The following CCDC62 variants were observed in gnomAD, a reference collection of about 807,000 sequenced individuals.
CCDC62 encodes the protein coiled-coil domain containing 62.
A neutral mutation model predicts 80.8 loss-of-function variants in CCDC62; 72 were observed. The ratio of observed to expected loss-of-function variants is 0.89; its 90% CI spans 0.74 to 1.08. The LOEUF (loss-of-function observed/expected upper bound fraction) is 1.08. CCDC62 is among the 50% of genes least tolerant of loss of function. The probability of loss-of-function intolerance (pLI) is 0.00; values close to 1 mark genes in which losing one functional copy is unlikely to be tolerated. For synonymous variants in CCDC62, 286 were observed against 296.5 expected (o/e 0.96, Z 0.36); for missense variants, 704 against 809.4 (o/e 0.87, Z 1.58).
chr12:122,791,550 G>C (rs1048149168), intron 5 of CCDC62, among the ~76,000 whole-genome samples: 4 of 151,810 alleles, frequency 2.6e-5, no homozygotes, highest in African/African-American at 7.3e-5. Context: ...CTGGATTCAA[G>C]CGATTTTCCT....
intron 8 of CCDC62, among the ~76,000 whole-genome samples, chr12:122,798,758 G>A (rs1342284086): frequency 1.3e-5 from 2 of 152,022 alleles, no homozygotes; most frequent in Non-Finnish European, 2.9e-5. Flanking sequence ...TCCAGCCTGC[G>A]TGACAAGAGC....
At chr12:122,811,210 CTTTTTT>C (rs34599465) in intron 10 of CCDC62, among the ~76,000 whole-genome samples, 8 of 120,092 alleles carry the variant, frequency 6.7e-5, no homozygotes, top group South Asian at 2.6e-4. Context: ...ATTAAGTTTC[CTTTTTT>C]TTTTTTTTTT....
chr12:122,790,672 A>AG (rs1324668220), intron 5 of CCDC62, among the ~76,000 whole-genome samples: 3 of 152,088 alleles, frequency 2.0e-5, no homozygotes, highest in Middle Eastern at 3.2e-3. Flanking sequence ...ATAAAAAAAA[A>AG]GAAGAGGAAT....
At chr12:122,805,732 G>A (rs534778619) in intron 9 of CCDC62, among the ~76,000 whole-genome samples, 7 of 151,716 alleles carry the variant, frequency 4.6e-5, no homozygotes, top group African/African-American at 4.8e-5. Flanking sequence ...GGATGGTCTC[G>A]ATTTCCTGAC....
In CCDC62 at chr12:122,782,584, G is replaced by A. The variant is rs556975344; in HGVS notation, c.396+1254G>A. ...AACAATTCTCTTGCCTCACTCCCCC[G>A]AGTAGCTGGGATTACAGGCATGCAC... On this transcript the variant is annotated intron_variant, in intron 3 of 12. Transcript: ENST00000253079. 3.8e-4 allele frequency among the ~76,000 whole-genome samples: 57 copies of A among 151,982 alleles called. 1 individual carries two copies. The highest frequency in any genetic ancestry group is 1.3e-3 in the African/African-American group (53 of 41,486).
chr12:122,816,328 T>C (rs1459312389), intron 11 of CCDC62, among the ~76,000 whole-genome samples: 1 of 152,230 alleles, frequency 6.6e-6, no homozygotes, highest in Non-Finnish European at 1.5e-5. Context: ...AGCTATCCCT[T>C]TAAATGTATG....
At position 122,813,429 on chromosome 12, in the gene CCDC62, T is replaced by G. The variant is rs763030581; in HGVS notation, c.2001+10T>G. ...TGGCAGTGCCACAAATGTATGCGTT[T>G]CATTTTCTCTTGACTATATTTGTCA... On this transcript the variant is annotated intron_variant, in intron 11 of 12. Transcript: ENST00000253079. The G allele has an allele frequency of 6.2e-7, 1 of 1,608,098 alleles. No individual in the cohort carries two copies.
chr12:122,825,342 A>ATTTTTT (rs749990077), intron 12 of CCDC62, among the ~76,000 whole-genome samples: 2 of 89,790 alleles, frequency 2.2e-5, no homozygotes, highest in Non-Finnish European at 2.1e-5. Context: ...CACCTGGCTA[A>ATTTTTT]TTTTTTTTTT....
intron 9 of CCDC62, 32 bp from the exon 10 acceptor site, chr12:122,806,119 T>C (rs761213809): frequency 6.4e-5 from 102 of 1,590,284 alleles, no homozygotes; most frequent in Non-Finnish European, 8.8e-5. Context: ...TGTTTTAAGA[T>C]ATTTGTTTTT....
chr12:122,793,303 A>G (rs1000017450), intron 6 of CCDC62, among the ~76,000 whole-genome samples: 1 of 152,154 alleles, frequency 6.6e-6, no homozygotes, highest in Non-Finnish European at 1.5e-5. Flanking sequence ...AAAAGTGTTC[A>G]TATGATTTTC....
At chr12:122,781,414 G>T in intron 3 of CCDC62, 84 bp downstream of exon 3, 12 of 1,321,740 alleles carry the variant, frequency 9.1e-6, no homozygotes, top group Non-Finnish European at 1.2e-5. Context: ...GACCGGGCAC[G>T]GTGGCTCACT....
intron 1 of CCDC62, chr12:122,777,277 C>T: frequency 2.0e-6 from 1 of 493,230 alleles, no homozygotes; most frequent in South Asian, 2.6e-5. Context: ...GTACGTATGG[C>T]ATGACAGAAA....
chr12:122,811,210 C>CT (rs34599465), intron 10 of CCDC62, among the ~76,000 whole-genome samples: 101,260 of 120,006 alleles, frequency 0.84, 43,594 homozygotes, highest in East Asian at 0.97. Context: ...ATTAAGTTTC[C>CT]TTTTTTTTTT....
chr12:122,807,122 A>G (rs1485801492), intron 10 of CCDC62, among the ~76,000 whole-genome samples: 1 of 152,082 alleles, frequency 6.6e-6, no homozygotes, highest in Non-Finnish European at 1.5e-5. Flanking sequence ...TAATTCCAAC[A>G]CTCTTGGGGG....
At chr12:122,787,984 G>A (rs1165347875) in intron 4 of CCDC62, among the ~76,000 whole-genome samples, 1 of 152,076 alleles carries the variant, frequency 6.6e-6, no homozygotes, top group African/African-American at 2.4e-5. Context: ...AAAGTTCCAT[G>A]GGTTTTTGCA....
In CCDC62 at chr12:122,781,249, A is replaced by G. The variant is rs147096647; in HGVS notation, c.315A>G (p.Thr105=). 5.8e-5 allele frequency: 94 copies of G among 1,613,952 alleles called. No homozygotes were observed. The African/African-American group carries it at 1.1e-3, about 19-fold the overall frequency. ...ALESNQMECQ[T]ALQKTQLQLQ... ...AATCCAATCAAATGGAATGCCAAAC[A>G]GCTCTCCAAAAGACCCAACTACAGC... The change falls in exon 3 of 13, where the codon ACA becomes ACG. Residue 105 remains threonine, a synonymous_variant. Transcript: ENST00000253079.
chr12:122,804,101 T>C (rs565150636), intron 9 of CCDC62, among the ~76,000 whole-genome samples: 7 of 152,344 alleles, frequency 4.6e-5, no homozygotes, highest in African/African-American at 1.7e-4. Context: ...CTAACTAAAA[T>C]GTTCACATCT....
chr12:122,806,278 C>A lies in CCDC62; in HGVS notation c.1834C>A (p.Pro612Thr), dbSNP rs1015039949. Residue 612 changes from proline to threonine, a missense_variant, in exon 10 of 13, where the codon CCA becomes ACA. Coordinates refer to ENST00000253079, the MANE Select transcript of CCDC62 (RefSeq NM_201435.5). ...GAGTTTGTTAATCTACAAAGATGCA[C>A]CAGCATTCAATGAAAAGGTTCGTAT... ...PTSLLIYKDA[P>T]AFNEKASIVL... 2.5e-6 allele frequency: 4 copies of A among 1,609,956 alleles called. No individual in the cohort carries two copies. The highest frequency in any genetic ancestry group is 3.4e-6 in the Non-Finnish European group (4 of 1,177,554).
intron 4 of CCDC62, among the ~76,000 whole-genome samples, chr12:122,788,223 T>C (rs1372562105): frequency 1.3e-5 from 2 of 152,216 alleles, no homozygotes; most frequent in African/African-American, 4.8e-5. Context: ...GATACCTTTT[T>C]TGGTAACTAA....
Sources: gnomAD v4.1 joint callset for allele counts (sites outside exome capture counted in the v4.1 genomes callset) on GRCh38, gnomAD v4.1.1 for gene constraint, MANE v1.5 for transcripts, NCBI Gene and HGNC (gene_info 2026-07-23, HGNC 2026-07-21) for gene names.